GTF2I: variants seen among roughly 807,000 people sequenced by gnomAD.
The protein encoded by GTF2I is general transcription factor IIi, also known as general transcription factor II-I.
A neutral mutation model predicts 67.6 loss-of-function variants in GTF2I; 12 were observed. The ratio of observed to expected loss-of-function variants is 0.18; its 90% CI spans 0.11 to 0.29. The LOEUF (loss-of-function observed/expected upper bound fraction) is 0.29. Ranked by LOEUF, GTF2I falls within the 10% of genes least tolerant of loss-of-function variation. The probability of loss-of-function intolerance (pLI) is 1.00; values close to 1 mark genes in which losing one functional copy is unlikely to be tolerated. For synonymous variants in GTF2I, 149 were observed against 197.0 expected (o/e 0.76, Z 2.04); for missense variants, 271 against 580.1 (o/e 0.47, Z 5.47).
rs587644509 is a variant in GTF2I, at chr7:74,683,081, G to T, written c.-5-6043G>T. On this transcript the variant is annotated intron_variant, in intron 1 of 34. Transcript: ENST00000573035. The stretch of plus-strand genomic sequence containing the variant: ...GAGTCCCAGTAGGATAGGAGATAGA[G>T]AATGGGGCAGAATCTAAAGAGACAA... 2.6e-5 allele frequency among the ~76,000 whole-genome samples: 4 copies of T among 152,246 alleles called. No homozygotes were observed. The South Asian group carries it at 8.3e-4, about 32-fold the overall frequency.
chr7:74,707,199 C>T (rs370662067), intron 8 of GTF2I, among the ~76,000 whole-genome samples: 1 of 152,330 alleles, frequency 6.6e-6, no homozygotes. Context: ...CAGATGTTCT[C>T]AGCATATGTA....
At chr7:74,668,361 A>G (rs1291034600) in intron 1 of GTF2I, among the ~76,000 whole-genome samples, 1 of 148,934 alleles carries the variant, frequency 6.7e-6, no homozygotes, top group Non-Finnish European at 1.5e-5. Flanking sequence ...GTGTGTATGT[A>G]AGAAGTATAT....
intron 17 of GTF2I, among the ~76,000 whole-genome samples, chr7:74,735,762 G>A (rs1253864376): frequency 2.9e-3 from 184 of 64,204 alleles, no homozygotes; most frequent in African/African-American, 0.011. Flanking sequence ...TCCTCCTCCC[G>A]GGTTCAAGCA....
At chr7:74,662,752 G>A (rs1804635366) in intron 1 of GTF2I, among the ~76,000 whole-genome samples, 1 of 151,974 alleles carries the variant, frequency 6.6e-6, no homozygotes, top group Non-Finnish European at 1.5e-5. Flanking sequence ...TCCAACTCCT[G>A]ACCTTGTGAT....
chr7:74,705,143 A>AT (rs372478911), intron 6 of GTF2I, 21 bp from the exon 7 acceptor site: 131,805 of 995,188 alleles, frequency 0.13, no homozygotes, highest in South Asian at 0.16. Context: ...ACTAACTCCA[A>AT]TTTTTTTTTT....
At chr7:74,690,138 C>G (rs1788143825) in intron 2 of GTF2I, among the ~76,000 whole-genome samples, 1 of 151,968 alleles carries the variant, frequency 6.6e-6, no homozygotes, top group Non-Finnish European at 1.5e-5. Context: ...TTGCTTGAAC[C>G]CGTGAGGTGG....
chr7:74,671,211 C>T (rs1271960417), intron 1 of GTF2I, among the ~76,000 whole-genome samples: 3 of 151,024 alleles, frequency 2.0e-5, no homozygotes, highest in Non-Finnish European at 2.9e-5. Flanking sequence ...CTCAGCCTCC[C>T]GAGTAGCTGA....
intron 1 of GTF2I, among the ~76,000 whole-genome samples, chr7:74,676,530 A>G (rs1375793108): frequency 1.3e-5 from 2 of 152,206 alleles, no homozygotes; most frequent in African/African-American, 4.8e-5. Context: ...CATAATTAAA[A>G]CAAATGGTAG....
At chr7:74,665,159 C>T (rs1554388048) in intron 1 of GTF2I, among the ~76,000 whole-genome samples, 2 of 151,448 alleles carry the variant, frequency 1.3e-5, no homozygotes, top group African/African-American at 2.4e-5. Context: ...TCAGGCTGGT[C>T]TCGAACTCCT....
chr7:74,732,315 A>C (rs587634007), intron 14 of GTF2I, among the ~76,000 whole-genome samples, 164 bp from the exon 15 acceptor site: 2 of 151,808 alleles, frequency 1.3e-5, no homozygotes, highest in South Asian at 4.2e-4. Flanking sequence ...CAGAGCTTGC[A>C]GTGAACCGAG....
At chr7:74,709,238 CTTTTTA>C (rs1791190756) in intron 8 of GTF2I, among the ~76,000 whole-genome samples, 1 of 151,944 alleles carries the variant, frequency 6.6e-6, no homozygotes, top group Admixed American at 6.6e-5. Flanking sequence ...TTGGATTTAC[CTTTTTA>C]TTTTTATTTA....
intron 13 of GTF2I, among the ~76,000 whole-genome samples, chr7:74,729,488 AT>A (rs587647605): frequency 6.9e-6 from 1 of 144,240 alleles, no homozygotes; most frequent in Non-Finnish European, 1.5e-5. Context: ...TTTTATTATT[AT>A]TTTTTTGAGA....
chr7:74,673,128 G>A (rs782412544), intron 1 of GTF2I, among the ~76,000 whole-genome samples: 45 of 152,130 alleles, frequency 3.0e-4, no homozygotes, highest in Non-Finnish European at 5.3e-4. Context: ...CCAAAGTGCT[G>A]GGATTACAGG....
chr7:74,669,386 G>A (rs117907126), intron 1 of GTF2I, among the ~76,000 whole-genome samples: 1,720 of 151,584 alleles, frequency 0.011, 11 homozygotes, highest in Middle Eastern at 0.034. Flanking sequence ...GCACCACAAT[G>A]TCTGGCTAAT....
chr7:74,667,120 G>A (rs1805050662), intron 1 of GTF2I, among the ~76,000 whole-genome samples: 3 of 152,112 alleles, frequency 2.0e-5, no homozygotes, highest in Admixed American at 1.3e-4. Flanking sequence ...ACTCCAGCCT[G>A]GGCCATAGAA....
chr7:74,661,742 A>C (rs1229808243), intron 1 of GTF2I, among the ~76,000 whole-genome samples: 4 of 152,158 alleles, frequency 2.6e-5, no homozygotes, highest in Non-Finnish European at 5.9e-5. Context: ...CTGACGGTAG[A>C]TTGCTCAGAA....
chr7:74,662,456 T>G (rs1376684628), intron 1 of GTF2I, among the ~76,000 whole-genome samples: 6 of 147,114 alleles, frequency 4.1e-5, no homozygotes, highest in Admixed American at 1.4e-4. Context: ...GTGATCCGCC[T>G]GCCTTGGCCT....
chr7:74,667,758 T>C (rs1372416957), intron 1 of GTF2I, among the ~76,000 whole-genome samples: 3 of 151,668 alleles, frequency 2.0e-5, no homozygotes, highest in African/African-American at 7.3e-5. Context: ...GCTCAAACAA[T>C]CTGCCTGCAT....
In GTF2I at chr7:74,676,584, G is replaced by C. The variant is rs1013705078; in HGVS notation, c.-5-12540G>C. Among the ~76,000 whole-genome samples the C allele has an allele frequency of 2.0e-5, 3 of 151,346 alleles. No homozygotes were observed. The South Asian group carries it at 6.2e-4, about 31-fold the overall frequency. ...ACATTTAGTGTGAACCACATGTCTA[G>C]AAAAAAAAATTAAATAGAAAACATT... is the stretch of plus-strand genomic sequence containing the variant. On this transcript the variant is annotated intron_variant, in intron 1 of 34. Coordinates refer to ENST00000573035, the MANE Select transcript of GTF2I (RefSeq NM_032999.4).
Sources: allele counts gnomAD v4.1 joint callset (sites outside exome capture counted in the v4.1 genomes callset), GRCh38; gene constraint gnomAD v4.1.1; transcripts MANE v1.5; gene names NCBI Gene and HGNC (gene_info 2026-07-23, HGNC 2026-07-21).